The following NDUFA12 variants were observed in gnomAD, a reference collection of about 807,000 sequenced individuals.
NDUFA12 encodes NADH dehydrogenase [ubiquinone] 1 alpha subcomplex subunit 12.
NDUFA12 carries 17 observed loss-of-function variants against 20.3 expected under a neutral mutation model. The observed-to-expected ratio is 0.84, with a 90% CI of 0.57 to 1.26. NDUFA12 has a LOEUF of 1.26. Ranked by LOEUF, NDUFA12 falls within the 50% of genes most tolerant of loss-of-function variation. The pLI, the probability that NDUFA12 is intolerant of heterozygous loss-of-function variation, is 0.00. For synonymous variants in NDUFA12, 72 were observed against 63.6 expected (o/e 1.13, Z -0.63); for missense variants, 191 against 183.7 (o/e 1.04, Z -0.23).
intron 3 of NDUFA12, 73 bp downstream of exon 3, chr12:94,994,097 C>G (rs1201968732): frequency 7.4e-7 from 1 of 1,353,418 alleles, no homozygotes; most frequent in African/African-American, 1.4e-5. Flanking sequence ...GCACTCCAGC[C>G]TGGGTGACAG....
chr12:94,979,183 G>A (rs1350044816), intron 3 of NDUFA12, among the ~76,000 whole-genome samples: 1 of 151,974 alleles, frequency 6.6e-6, no homozygotes, highest in Admixed American at 6.6e-5. Flanking sequence ...TGCTATGATT[G>A]CACCTGTGAA....
intron 2 of NDUFA12, among the ~76,000 whole-genome samples, chr12:94,994,792 T>C (rs1874762406): frequency 6.6e-6 from 1 of 152,194 alleles, no homozygotes; most frequent in East Asian, 1.9e-4. Context: ...ATCAAAATAA[T>C]ATGGCTGCAC....
chr12:94,985,406 C>A (rs1423098797), intron 3 of NDUFA12, among the ~76,000 whole-genome samples: 3 of 150,420 alleles, frequency 2.0e-5, no homozygotes, highest in African/African-American at 7.3e-5. Context: ...GGGTGGATCA[C>A]GAGGTCAGGA....
At chr12:94,997,144 C>T (rs970948535) in intron 2 of NDUFA12, among the ~76,000 whole-genome samples, 1 of 151,960 alleles carries the variant, frequency 6.6e-6, no homozygotes, top group African/African-American at 2.4e-5. Context: ...AGTTCAAGAC[C>T]AGCCCAGGTA....
intron 3 of NDUFA12, among the ~76,000 whole-genome samples, chr12:94,978,067 A>G (rs945852535): frequency 6.6e-6 from 1 of 152,212 alleles, no homozygotes; most frequent in African/African-American, 2.4e-5. Context: ...GCCAAGTCAG[A>G]GTCAACAGGG....
At chr12:94,983,668 T>C (rs1015792247) in intron 3 of NDUFA12, among the ~76,000 whole-genome samples, 37 of 152,156 alleles carry the variant, frequency 2.4e-4, no homozygotes, top group Admixed American at 2.2e-3. Flanking sequence ...GATAACTTGT[T>C]CCACAGTATA....
intron 3 of NDUFA12, among the ~76,000 whole-genome samples, chr12:94,985,415 G>A (rs976870925): frequency 6.6e-6 from 1 of 150,998 alleles, no homozygotes; most frequent in Non-Finnish European, 1.5e-5. Context: ...ACGAGGTCAG[G>A]AGATCAACAC....
intron 3 of NDUFA12, among the ~76,000 whole-genome samples, chr12:94,979,703 A>C (rs188094946): frequency 6.6e-6 from 1 of 151,930 alleles, no homozygotes; most frequent in African/African-American, 2.4e-5. Context: ...GGGTGTGGTC[A>C]TGGGACCTGT....
chr12:94,989,793 T>C (rs1405358151), intron 3 of NDUFA12, among the ~76,000 whole-genome samples: 1 of 152,234 alleles, frequency 6.6e-6, no homozygotes, highest in East Asian at 1.9e-4. Context: ...TTTACTATTT[T>C]ATAATTTTAA....
At chr12:94,976,356 G>A (rs1874063911) in intron 3 of NDUFA12, among the ~76,000 whole-genome samples, 1 of 152,124 alleles carries the variant, frequency 6.6e-6, no homozygotes, top group Admixed American at 6.5e-5. Flanking sequence ...AGAAATCGAG[G>A]AGATAAGAAT....
intron 3 of NDUFA12, among the ~76,000 whole-genome samples, chr12:94,984,714 C>CA (rs1162774247): frequency 4.1e-3 from 28 of 6,840 alleles, no homozygotes; most frequent in African/African-American, 8.7e-3. Context: ...TGCTAATAGC[C>CA]AAAAAAAAAA....
chr12:94,982,974 A>G (rs1874292637), intron 3 of NDUFA12, among the ~76,000 whole-genome samples: 1 of 152,130 alleles, frequency 6.6e-6, no homozygotes, highest in Non-Finnish European at 1.5e-5. Context: ...TCCTATCTCC[A>G]GCATCAATCT....
At chr12:94,972,999 A>G (rs936720763) in intron 3 of NDUFA12, among the ~76,000 whole-genome samples, 2 of 151,228 alleles carry the variant, frequency 1.3e-5, no homozygotes, top group African/African-American at 4.9e-5. Flanking sequence ...GAAAATGAGA[A>G]GACAGCCACA....
chr12:95,000,559 T>C (rs906013339), intron 2 of NDUFA12, among the ~76,000 whole-genome samples: 2 of 152,240 alleles, frequency 1.3e-5, no homozygotes, highest in Non-Finnish European at 2.9e-5. Context: ...TTTTCATCTT[T>C]TAATACAGCT....
chr12:95,000,302 T>C (rs916619045), intron 2 of NDUFA12, among the ~76,000 whole-genome samples: 1 of 152,140 alleles, frequency 6.6e-6, no homozygotes, highest in African/African-American at 2.4e-5. Context: ...AAGAATGATA[T>C]AAAGGACTTT....
rs148011078 is a variant in NDUFA12 at position 94,994,254 on chromosome 12, C to T, written c.173G>A (p.Arg58His). The change falls in exon 3 of 4, where the codon CGT becomes CAT. Residue 58 changes from arginine to histidine, a missense_variant. Physicochemically the swap from Arg to His is conservative, Grantham distance 29 (BLOSUM62 0). Coordinates refer to ENST00000327772, the MANE Select transcript of NDUFA12 (RefSeq NM_018838.5). ...YYEDNKQFFG[R>H]HRWVVYTTEM... The stretch of plus-strand genomic sequence containing the variant: ...AGTAGTATATACAACCCATCGGTGA[C>T]GGCCTGGGTGGGAAGATGAACATTT... 83 of 1,613,438 alleles carry T rather than the reference C, an allele frequency of 5.1e-5. No homozygotes were observed. The highest frequency in any genetic ancestry group is 1.8e-4 in the East Asian group (8 of 44,888).
At chr12:94,998,768 C>A (rs1874922778) in intron 2 of NDUFA12, among the ~76,000 whole-genome samples, 1 of 152,076 alleles carries the variant, frequency 6.6e-6, no homozygotes, top group Non-Finnish European at 1.5e-5. Context: ...TAGGAATATA[C>A]TTAACCATGG....
intron 3 of NDUFA12, among the ~76,000 whole-genome samples, chr12:94,982,904 T>C (rs1874290615): frequency 6.6e-6 from 1 of 152,160 alleles, no homozygotes; most frequent in Non-Finnish European, 1.5e-5. Flanking sequence ...GGTCATATTC[T>C]CCTAACCCTT....
At chr12:94,989,732 A>G (rs1165082780) in intron 3 of NDUFA12, among the ~76,000 whole-genome samples, 1 of 152,228 alleles carries the variant, frequency 6.6e-6, no homozygotes, top group Non-Finnish European at 1.5e-5. Context: ...GTGGTCTCAG[A>G]TCAAATAAAA....
Sources: gnomAD v4.1 joint callset for allele counts (sites outside exome capture counted in the v4.1 genomes callset) on GRCh38, gnomAD v4.1.1 for gene constraint, MANE v1.5 for transcripts, NCBI Gene and HGNC (gene_info 2026-07-23, HGNC 2026-07-21) for gene names.